Variants in CAMK2D observed in about 807,000 individuals in gnomAD.
The protein encoded by CAMK2D is calcium/calmodulin dependent protein kinase II delta, also known as calcium/calmodulin-dependent protein kinase type II subunit delta.
Under a neutral mutation model 84.0 loss-of-function variants are expected in CAMK2D, and 37 were observed. The ratio of observed to expected loss-of-function variants is 0.44; its 90% CI spans 0.34 to 0.58. The LOEUF (loss-of-function observed/expected upper bound fraction) is 0.58, where lower values mean the gene tolerates loss of function less well. CAMK2D is among the 20% of genes least tolerant of loss of function. The probability of loss-of-function intolerance (pLI) is 0.02; values close to 1 mark genes in which losing one functional copy is unlikely to be tolerated. For synonymous variants in CAMK2D, 202 were observed against 212.5 expected, an observed-to-expected ratio of 0.95 and a Z score of 0.43; for missense variants, 448 against 652.5, an observed-to-expected ratio of 0.69 and a Z score of 3.41.
At chr4:113,690,069 G>C (rs560783126) in intron 2 of CAMK2D, among the ~76,000 whole-genome samples, 1 of 152,224 alleles carries the variant, frequency 6.6e-6, no homozygotes, top group East Asian at 1.9e-4. Flanking sequence ...CATGAAAAAT[G>C]ACAAAATGAA....
At chr4:113,690,133 C>A (rs2099382505) in intron 2 of CAMK2D, among the ~76,000 whole-genome samples, 1 of 152,088 alleles carries the variant, frequency 6.6e-6, no homozygotes, top group Non-Finnish European at 1.5e-5. Flanking sequence ...AAGAAAAGAA[C>A]AAAACTTAGC....
chr4:113,705,414 T>A (rs2099446389), intron 2 of CAMK2D, among the ~76,000 whole-genome samples: 1 of 152,024 alleles, frequency 6.6e-6, no homozygotes, highest in African/African-American at 2.4e-5. Flanking sequence ...TTCTCTGATT[T>A]CTGCATTCAG....
intron 2 of CAMK2D, among the ~76,000 whole-genome samples, chr4:113,674,144 T>C (rs1267578870): frequency 6.6e-6 from 1 of 152,210 alleles, no homozygotes; most frequent in Non-Finnish European, 1.5e-5. Context: ...AGGTAGATTA[T>C]ACTAAAGCAG....
At chr4:113,662,913 T>C (rs1411563717) in intron 2 of CAMK2D, among the ~76,000 whole-genome samples, 1 of 152,238 alleles carries the variant, frequency 6.6e-6, no homozygotes. Context: ...GTATATAATG[T>C]ATATAATGTA....
At chr4:113,472,688 T>C (rs17629820) in intron 16 of CAMK2D, among the ~76,000 whole-genome samples, 9,386 of 152,254 alleles carry the variant, frequency 0.062, 581 homozygotes, top group East Asian at 0.21. Context: ...CCTGCAAATG[T>C]GTCTTCACTG....
intron 6 of CAMK2D, among the ~76,000 whole-genome samples, chr4:113,541,150 G>A (rs2098527516): frequency 6.6e-6 from 1 of 152,154 alleles, no homozygotes; most frequent in African/African-American, 2.4e-5. Flanking sequence ...GCAGGTTGAT[G>A]GAATCACTTT....
At chr4:113,753,787 G>A (rs574309298) in intron 2 of CAMK2D, 11 of 971,020 alleles carry the variant, frequency 1.1e-5, no homozygotes, top group Admixed American at 6.4e-5. Context: ...TTTTTTTTTC[G>A]GTTGGGTGGG....
In CAMK2D at chr4:113,454,465, T is replaced by A. The variant is rs1250450210; in HGVS notation, c.*80A>T. ...AGGAGAGGACGGCCCAGGGTCACCATCCAGGTGCCTTGAGAACAGAGAATG... is the reference window on the plus strand; with the variant it reads ...AGGAGAGGACGGCCCAGGGTCACCAACCAGGTGCCTTGAGAACAGAGAATG... On this transcript the variant is annotated 3_prime_UTR_variant, in exon 21 of 21. Coordinates refer to ENST00000511664, the MANE Select transcript of CAMK2D (RefSeq NM_001321571.2). 22 of 778,210 alleles carry A rather than the reference T, an allele frequency of 2.8e-5. No homozygotes were observed. In the Middle Eastern group the frequency reaches 6.8e-4, roughly 24 times the overall value. 48.2% of individuals were successfully genotyped at this position (778,210 alleles called of 1,614,324 possible). A position where few individuals can be genotyped will look rare whatever the true frequency, so the allele number is the denominator to read the frequency against.
intron 2 of CAMK2D, among the ~76,000 whole-genome samples, chr4:113,712,718 C>T (rs1375074081): frequency 1.3e-5 from 2 of 151,694 alleles, no homozygotes; most frequent in Non-Finnish European, 2.9e-5. Context: ...ATAACAAAAA[C>T]ATTTATCCAC....
chr4:113,570,596 A>G (rs925801380), intron 4 of CAMK2D, among the ~76,000 whole-genome samples: 163 of 152,342 alleles, frequency 1.1e-3, no homozygotes, highest in African/African-American at 3.8e-3. Flanking sequence ...GGATATTCAC[A>G]TGCAGAAGAA....
chr4:113,735,904 C>T (rs1483178996), intron 2 of CAMK2D, among the ~76,000 whole-genome samples: 6 of 152,016 alleles, frequency 3.9e-5, no homozygotes, highest in Non-Finnish European at 7.4e-5. Context: ...AAAGAAAGTA[C>T]CTAATACTGT....
At chr4:113,550,413 T>C (rs1180673152) in intron 5 of CAMK2D, among the ~76,000 whole-genome samples, 2 of 152,140 alleles carry the variant, frequency 1.3e-5, no homozygotes, top group Non-Finnish European at 2.9e-5. Flanking sequence ...GCTCAAGCAA[T>C]CCTCCCACCT....
At chr4:113,492,449 G>A (rs1442584019) in intron 16 of CAMK2D, among the ~76,000 whole-genome samples, 2 of 152,164 alleles carry the variant, frequency 1.3e-5, no homozygotes, top group Admixed American at 1.3e-4. Context: ...TAGTTGAGCG[G>A]TTTTGAGTGA....
intron 3 of CAMK2D, among the ~76,000 whole-genome samples, chr4:113,661,464 TATTA>T (rs2099231615): frequency 6.6e-6 from 1 of 152,160 alleles, no homozygotes; most frequent in Non-Finnish European, 1.5e-5. Flanking sequence ...AAACATACAC[TATTA>T]ATTAATTTAG....
chr4:113,715,925 G>C (rs2099512003), intron 2 of CAMK2D, among the ~76,000 whole-genome samples: 1 of 152,062 alleles, frequency 6.6e-6, no homozygotes, highest in Non-Finnish European at 1.5e-5. Context: ...TAGTTTCTCT[G>C]AAAAGCCTAA....
chr4:113,577,984 C>T (rs1331980122), intron 4 of CAMK2D, among the ~76,000 whole-genome samples: 1 of 152,140 alleles, frequency 6.6e-6, no homozygotes, highest in Non-Finnish European at 1.5e-5. Context: ...TCCTACCATC[C>T]TTCTATAGCT....
intron 4 of CAMK2D, among the ~76,000 whole-genome samples, chr4:113,607,618 T>C (rs1287351333): frequency 6.6e-5 from 10 of 151,756 alleles, no homozygotes; most frequent in Non-Finnish European, 1.0e-4. Context: ...GTAATCCCTG[T>C]CCCCGCCCGC....
At chr4:113,572,103 G>T (rs751921416) in intron 4 of CAMK2D, among the ~76,000 whole-genome samples, 17 of 151,772 alleles carry the variant, frequency 1.1e-4, no homozygotes, top group Non-Finnish European at 2.2e-4. Context: ...TTCACTATTT[G>T]TTATTTTAAA....
intron 8 of CAMK2D, among the ~76,000 whole-genome samples, chr4:113,519,396 CAATATGT>C (rs2098328488): frequency 6.6e-6 from 1 of 151,896 alleles, no homozygotes; most frequent in Non-Finnish European, 1.5e-5. Context: ...GAAAAGCAGG[CAATATGT>C]AATAGATGCC....
Sources: gnomAD v4.1 joint callset for allele counts (sites outside exome capture counted in the v4.1 genomes callset) on GRCh38, gnomAD v4.1.1 for gene constraint, MANE v1.5 for transcripts, NCBI Gene and HGNC (gene_info 2026-07-23, HGNC 2026-07-21) for gene names.